RGS6: variants seen among roughly 807,000 people sequenced by gnomAD.
RGS6 encodes the protein regulator of G protein signaling 6, also known as regulator of G-protein signaling 6.
In RGS6, 30 loss-of-function variants were observed where a neutral mutation model predicts 78.5. The observed-to-expected ratio is 0.38, with a 90% CI of 0.29 to 0.52. The LOEUF is 0.52. Ranked by LOEUF, RGS6 falls within the 20% of genes least tolerant of loss-of-function variation. The pLI is 0.85. For missense variants in RGS6, 495 were observed against 609.7 expected (o/e 0.81, Z 1.98); for synonymous variants, 206 against 206.0 (o/e 1.00, Z 0.00).
chr14:72,282,753 G>A (rs2061795258), intron 2 of RGS6, among the ~76,000 whole-genome samples: 1 of 152,106 alleles, frequency 6.6e-6, no homozygotes, highest in African/African-American at 2.4e-5. Flanking sequence ...GTGCCCCCTT[G>A]TTGTTTTTGT....
At chr14:72,196,400 T>C (rs548101051) in intron 2 of RGS6, among the ~76,000 whole-genome samples, 1 of 152,326 alleles carries the variant, frequency 6.6e-6, no homozygotes, top group African/African-American at 2.4e-5. Context: ...CTGAGAATGC[T>C]ACTGTCTGTC....
At chr14:72,624,431 C>T in the RGS6 span, among the ~76,000 whole-genome samples, 44 of 149,320 alleles carry the variant, frequency 2.9e-4, no homozygotes, top group African/African-American at 9.5e-4. Context: ...CTCCTTCTCC[C>T]GGGCTCAAGC....
At chr14:72,362,899 C>T (rs2081736860) in intron 3 of RGS6, among the ~76,000 whole-genome samples, 1 of 152,156 alleles carries the variant, frequency 6.6e-6, no homozygotes, top group Admixed American at 6.5e-5. Flanking sequence ...GGACCTTAAA[C>T]ATAAGTGGAA....
chr14:72,616,454 C>T, the RGS6 span, among the ~76,000 whole-genome samples: 2 of 152,164 alleles, frequency 1.3e-5, no homozygotes, highest in African/African-American at 4.8e-5. Context: ...ATATAAACTC[C>T]CTTTGGTCAC....
chr14:72,087,319 C>A (rs2095084454), intron 2 of RGS6, among the ~76,000 whole-genome samples: 1 of 151,976 alleles, frequency 6.6e-6, no homozygotes, highest in Non-Finnish European at 1.5e-5. Context: ...TTAGTAGAGA[C>A]AGGGTTTTGC....
At chr14:72,591,759 A>G in the RGS6 span, among the ~76,000 whole-genome samples, 1 of 152,214 alleles carries the variant, frequency 6.6e-6, no homozygotes, top group Non-Finnish European at 1.5e-5. Context: ...GAAGAGAATA[A>G]ACACCCACAC....
intron 2 of RGS6, chr14:71,991,017 G>A: frequency 2.8e-6 from 1 of 359,466 alleles, no homozygotes; most frequent in Non-Finnish European, 5.5e-6. Flanking sequence ...TGAATCCAAT[G>A]CCATGTAAAA....
intron 2 of RGS6, among the ~76,000 whole-genome samples, chr14:72,267,594 T>C (rs1397957348): frequency 1.3e-5 from 2 of 152,204 alleles, no homozygotes; most frequent in East Asian, 1.9e-4. Flanking sequence ...ACAGAAAGTA[T>C]AGCTCATGAT....
intron 2 of RGS6, among the ~76,000 whole-genome samples, chr14:72,219,154 G>A (rs914437281): frequency 1.3e-5 from 2 of 152,040 alleles, no homozygotes; most frequent in Non-Finnish European, 2.9e-5. Flanking sequence ...TTTACATTAT[G>A]AGGGTGAAAC....
intron 12 of RGS6, among the ~76,000 whole-genome samples, chr14:72,492,063 C>T (rs61995152): frequency 0.056 from 8,554 of 152,290 alleles, 274 homozygotes; most frequent in Non-Finnish European, 0.069. Context: ...GGAAGCTCTA[C>T]GCACTGAACT....
intron 2 of RGS6, among the ~76,000 whole-genome samples, chr14:72,034,649 A>T (rs11621852): frequency 0.13 from 19,812 of 152,168 alleles, 1,347 homozygotes; most frequent in East Asian, 0.17. Flanking sequence ...TGTCTGCTTT[A>T]GGTATCAGAG....
chr14:71,966,739 A>C (rs763638611), intron 2 of RGS6, among the ~76,000 whole-genome samples: 8 of 152,220 alleles, frequency 5.3e-5, no homozygotes, highest in Non-Finnish European at 8.8e-5. Context: ...GTGGTCCGTA[A>C]TGAATATCTC....
At chr14:72,015,620 G>A (rs1371206653) in intron 2 of RGS6, among the ~76,000 whole-genome samples, 1 of 152,122 alleles carries the variant, frequency 6.6e-6, no homozygotes, top group East Asian at 1.9e-4. Context: ...GTACTCAGAG[G>A]AAAAATGGCT....
At chr14:72,003,299 C>T (rs1474034915) in intron 2 of RGS6, among the ~76,000 whole-genome samples, 1 of 152,186 alleles carries the variant, frequency 6.6e-6, no homozygotes, top group Non-Finnish European at 1.5e-5. Flanking sequence ...TACCATTCGA[C>T]GTTGTTGGTA....
rs148415514 is a variant in RGS6, at chr14:72,382,673, C to T, written c.184+30479C>T. Among the ~76,000 whole-genome samples, 27 of 152,266 alleles carry T rather than the reference C, an allele frequency of 1.8e-4. No individual in the cohort carries two copies. In the East Asian group the frequency reaches 5.2e-3, roughly 29 times the overall value. ...CAGCATTGTTCGTAGCAGCAAAATT[C>T]TGGAATAATCCAGGCATGACGTTTG... is the stretch of plus-strand genomic sequence containing the variant. On this transcript the variant is annotated intron_variant, in intron 3 of 17. Coordinates refer to ENST00000553525, the MANE Select transcript of RGS6 (RefSeq NM_001204424.2).
chr14:72,401,133 A>G (rs2092346737), intron 3 of RGS6, among the ~76,000 whole-genome samples: 2 of 152,204 alleles, frequency 1.3e-5, no homozygotes, highest in East Asian at 1.9e-4. Flanking sequence ...AGTCTTTTCT[A>G]TCTTATCTTT....
At chr14:72,127,573 A>G (rs182966979) in intron 2 of RGS6, among the ~76,000 whole-genome samples, 2 of 152,344 alleles carry the variant, frequency 1.3e-5, no homozygotes, top group Non-Finnish European at 1.5e-5. Context: ...AAGTTTCAGT[A>G]GAGTTTTAGC....
chr14:72,326,187 A>G lies in RGS6; in HGVS notation c.85-25908A>G, dbSNP rs144444164. On this transcript the variant is annotated intron_variant, in intron 2 of 17. Transcript: ENST00000553525. ...GGCCAATATACATTCATTACCACAA[A>G]GGTCTGGTCAATTTAGAGAAAGAAA... 7.8e-3 allele frequency among the ~76,000 whole-genome samples: 1,182 copies of G among 152,352 alleles called. 11 individuals carry two copies. Among genetic ancestry groups the G allele is most frequent in the African/African-American group, 0.025 (1,047 of 41,576 alleles).
intron 2 of RGS6, among the ~76,000 whole-genome samples, chr14:72,212,729 C>T (rs1208276895): frequency 1.3e-5 from 2 of 152,144 alleles, no homozygotes; most frequent in East Asian, 1.9e-4. Context: ...GAGTGATTCT[C>T]TAGTCTTGTA....
Sources: gnomAD v4.1 joint callset for allele counts (sites outside exome capture counted in the v4.1 genomes callset) on GRCh38, gnomAD v4.1.1 for gene constraint, MANE v1.5 for transcripts, NCBI Gene and HGNC (gene_info 2026-07-23, HGNC 2026-07-21) for gene names.